The following ZMIZ1 variants were observed in gnomAD, a reference collection of about 807,000 sequenced individuals.
ZMIZ1 encodes zinc finger MIZ-type containing 1.
In ZMIZ1, 17 loss-of-function variants were observed where a neutral mutation model predicts 113.9. That is an observed-to-expected ratio of 0.15 (90% CI 0.10 to 0.22). The LOEUF (loss-of-function observed/expected upper bound fraction) is 0.22. ZMIZ1 is among the 10% of genes least tolerant of loss of function. ZMIZ1 has a pLI of 1.00. For missense variants in ZMIZ1, 1,059 were observed against 1,477.8 expected (o/e 0.72, Z 4.65); for synonymous variants, 607 against 603.1 (o/e 1.01, Z -0.09).
intron 7 of ZMIZ1, among the ~76,000 whole-genome samples, chr10:79,230,316 G>A (rs1302987010): frequency 1.7e-4 from 26 of 152,140 alleles, no homozygotes; most frequent in Admixed American, 1.6e-3. Flanking sequence ...GTCATCTGCA[G>A]CGTCTGCTCT....
intron 8 of ZMIZ1, among the ~76,000 whole-genome samples, chr10:79,287,743 C>T (rs1301020889): frequency 6.6e-6 from 1 of 152,212 alleles, no homozygotes; most frequent in Non-Finnish European, 1.5e-5. Flanking sequence ...GATTCTGTAA[C>T]CCACAGTTGG....
intron 1 of ZMIZ1, among the ~76,000 whole-genome samples, chr10:79,099,845 T>C (rs958012196): frequency 4.6e-5 from 7 of 152,124 alleles, no homozygotes; most frequent in Admixed American, 4.6e-4. Context: ...GTAGGTCTTC[T>C]TTTTACCACC....
chr10:79,070,883 C>T (rs1307351255), intron 1 of ZMIZ1, among the ~76,000 whole-genome samples: 1 of 150,032 alleles, frequency 6.7e-6, no homozygotes, highest in Non-Finnish European at 1.5e-5. Context: ...CGCGCGCTCT[C>T]CCCCTTCTCC....
Position 79,305,620 on chromosome 10 carries a change from A to C in ZMIZ1, c.2423+19A>C. ...TCCAACAGTAAGTGGGGCCCTAGCG[A>C]GGGGCAGGGGGTGGGAGGGGACGAG... On this transcript the variant is annotated intron_variant, in intron 21 of 24. Transcript: ENST00000334512. 31 of 1,313,510 alleles carry C rather than the reference A, an allele frequency of 2.4e-5. No individual in the cohort carries two copies. Among genetic ancestry groups the C allele is most frequent in the Non-Finnish European group, 2.9e-5 (27 of 922,770 alleles). 81.4% of individuals were successfully genotyped at this position (1,313,510 alleles called of 1,614,324 possible).
chr10:79,093,125 C>G (rs1843036121), intron 1 of ZMIZ1, among the ~76,000 whole-genome samples: 1 of 124,946 alleles, frequency 8.0e-6, no homozygotes, highest in South Asian at 2.9e-4. Context: ...CTACCACCCC[C>G]CCCACCCCCA....
intron 4 of ZMIZ1, among the ~76,000 whole-genome samples, chr10:79,200,145 A>T (rs1272979391): frequency 6.6e-6 from 1 of 152,190 alleles, no homozygotes; most frequent in African/African-American, 2.4e-5. Flanking sequence ...AGGGGTCTTT[A>T]GTGGGGAGTG....
At chr10:79,258,179 C>G (rs977693095) in intron 7 of ZMIZ1, among the ~76,000 whole-genome samples, 1 of 152,114 alleles carries the variant, frequency 6.6e-6, no homozygotes, top group African/African-American at 2.4e-5. Context: ...CCCAAGAGTT[C>G]GAGATCAGCT....
chr10:79,186,394 C>T (rs576431408), intron 4 of ZMIZ1, among the ~76,000 whole-genome samples: 3 of 152,230 alleles, frequency 2.0e-5, no homozygotes, highest in Non-Finnish European at 4.4e-5. Context: ...CACAGACTGG[C>T]GTGTCCCAGG....
chr10:79,101,314 A>C (rs372471776), intron 1 of ZMIZ1, among the ~76,000 whole-genome samples: 6 of 152,132 alleles, frequency 3.9e-5, no homozygotes, highest in Non-Finnish European at 5.9e-5. Flanking sequence ...ATGAGGGGGA[A>C]GTTCCTAGTC....
At chr10:79,310,750 G>C (rs1855088858) in intron 23 of ZMIZ1, among the ~76,000 whole-genome samples, 174 bp from the exon 24 acceptor site, 1 of 152,064 alleles carries the variant, frequency 6.6e-6, no homozygotes, top group Non-Finnish European at 1.5e-5. Flanking sequence ...GCGGTTTTGG[G>C]GGAGAAATTT....
Position 79,069,599 on chromosome 10 carries a change from C to G in ZMIZ1, c.-337+329C>G, listed in dbSNP as rs1056492820. Among the ~76,000 whole-genome samples, 1 of 151,844 alleles carries G rather than the reference C, an allele frequency of 6.6e-6. No individual in the cohort carries two copies. Among genetic ancestry groups the G allele is most frequent in the Admixed American group, 6.5e-5 (1 of 15,276 alleles). On this transcript the variant is annotated intron_variant, in intron 1 of 24. Transcript: ENST00000334512. This position sits in a 1 kb window ranked among gnomAD's most constrained non-coding sequence, Gnocchi z 4.6. ...CTCCTGCCGGCGCGCCTCCAGCCCTCGCTCCCTACACCCGGGGGCCGGGCA... is the reference window on the plus strand; with the variant it reads ...CTCCTGCCGGCGCGCCTCCAGCCCTGGCTCCCTACACCCGGGGGCCGGGCA...
At chr10:79,282,116 C>CAGGGAAA (rs1852774849) in intron 8 of ZMIZ1, among the ~76,000 whole-genome samples, 1 of 152,358 alleles carries the variant, frequency 6.6e-6, no homozygotes, top group Non-Finnish European at 1.5e-5. Context: ...GGATAAATCC[C>CAGGGAAA]TCATTTCCAG....
chr10:79,208,192 C>T, intron 5 of ZMIZ1, 144 bp from the exon 6 acceptor site: 1 of 640,148 alleles, frequency 1.6e-6, no homozygotes, highest in Non-Finnish European at 2.7e-6. Flanking sequence ...CATGAGGAAA[C>T]TTACTGATCC....
intron 7 of ZMIZ1, among the ~76,000 whole-genome samples, chr10:79,270,258 G>A (rs1851869878): frequency 6.6e-6 from 1 of 152,224 alleles, no homozygotes; most frequent in South Asian, 2.1e-4. Context: ...GAAAGGTCTT[G>A]GGGAAGCAGA....
rs987522372 is a variant in ZMIZ1, at chr10:79,314,379, G to T, written c.*1630G>T. ...GGGTGGTCCCCAGCTCTCCTCTGTG[G>T]GTTTTACCGGAAAGGTGGCCCCAGC... On this transcript the variant is annotated 3_prime_UTR_variant, in exon 25 of 25. Coordinates refer to ENST00000334512, the MANE Select transcript of ZMIZ1 (RefSeq NM_020338.4). 3 of 385,022 alleles carry T rather than the reference G, an allele frequency of 7.8e-6. No individual in the cohort carries two copies. The highest frequency in any genetic ancestry group is 1.6e-5 in the Non-Finnish European group (3 of 190,950). The allele number at this position is 385,022 out of a possible 1,614,324, so 23.9% of individuals were successfully genotyped here.
At chr10:79,269,797 G>A (rs1031519950) in intron 7 of ZMIZ1, among the ~76,000 whole-genome samples, 6 of 152,194 alleles carry the variant, frequency 3.9e-5, no homozygotes, top group African/African-American at 1.4e-4. Context: ...CCCTATGGCT[G>A]CTGTGGCTGC....
chr10:79,184,271 C>A (rs527739586), intron 4 of ZMIZ1, among the ~76,000 whole-genome samples: 240 of 152,314 alleles, frequency 1.6e-3, no homozygotes, highest in Non-Finnish European at 2.3e-3. Flanking sequence ...GCTCTCCCTG[C>A]CCCTGCCTCT....
At chr10:79,290,148 C>T (rs1366297545) in intron 9 of ZMIZ1, among the ~76,000 whole-genome samples, 2 of 152,240 alleles carry the variant, frequency 1.3e-5, no homozygotes, top group Non-Finnish European at 2.9e-5. Flanking sequence ...GCAAGGGGTT[C>T]TTCCCTAGCC....
intron 3 of ZMIZ1, among the ~76,000 whole-genome samples, chr10:79,144,935 T>G (rs1845420236): frequency 6.6e-6 from 1 of 151,932 alleles, no homozygotes; most frequent in Non-Finnish European, 1.5e-5. Flanking sequence ...GCTCCTGGCT[T>G]CTTCATCCAC....
Sources: gnomAD v4.1 joint callset for allele counts (sites outside exome capture counted in the v4.1 genomes callset) on GRCh38, gnomAD v4.1.1 for gene constraint, Gnocchi (gnomAD v3.1) non-coding constraint, MANE v1.5 for transcripts, NCBI Gene and HGNC (gene_info 2026-07-23, HGNC 2026-07-21) for gene names.